The following IMPG1 variants were observed in gnomAD, a reference collection of about 807,000 sequenced individuals.
IMPG1 encodes interphotoreceptor matrix proteoglycan 1, also known as interphotoreceptor matrix proteoglycan of 150 kDa.
A neutral mutation model predicts 92.0 loss-of-function variants in IMPG1; 85 were observed. The observed-to-expected ratio is 0.92, with a 90% CI of 0.78 to 1.11. The LOEUF (loss-of-function observed/expected upper bound fraction) is 1.11. Ranked by LOEUF, IMPG1 falls within the 50% of genes least tolerant of loss-of-function variation. The pLI is 0.00. For synonymous variants in IMPG1, 367 were observed against 334.1 expected, an observed-to-expected ratio of 1.10 and a Z score of -1.08; for missense variants, 1,022 against 956.0, an observed-to-expected ratio of 1.07 and a Z score of -0.91.
intron 7 of IMPG1, 149 bp from the exon 8 acceptor site, chr6:76,011,373 T>G: frequency 1.9e-6 from 1 of 528,640 alleles, no homozygotes. Flanking sequence ...CTCTCCAAAT[T>G]GATCAGATGA....
intron 12 of IMPG1, among the ~76,000 whole-genome samples, chr6:75,956,822 AT>A (rs1353671529): frequency 2.0e-5 from 3 of 152,044 alleles, no homozygotes; most frequent in African/African-American, 7.2e-5. Context: ...CAAAGAACTT[AT>A]TTATTTCTGC....
At chr6:75,983,107 A>G (rs1210823758) in intron 12 of IMPG1, among the ~76,000 whole-genome samples, 1 of 151,904 alleles carries the variant, frequency 6.6e-6, no homozygotes, top group Non-Finnish European at 1.5e-5. Context: ...AACTATCTCA[A>G]ATGATTATGC....
Position 75,950,621 on chromosome 6 carries a change from C to A in IMPG1, c.1765G>T (p.Asp589Tyr). The A allele has an allele frequency of 1.9e-6, 3 of 1,613,642 alleles. No homozygotes were observed. The highest frequency in any genetic ancestry group is 1.1e-5 in the South Asian group (1 of 90,970). The change falls in exon 13 of 17, where the codon GAC becomes TAC. Residue 589 changes from aspartate (D) to tyrosine (Y), a missense_variant. Around this residue, in one of 3 missense-constraint regions of IMPG1, gnomAD observed 332 missense variants for 346.2 expected, o/e 0.96. Transcript: ENST00000369950. ...TCCAGAGAGCTCTTGTTGAACAGGTCGTTGGAGAAGGCCATGTTAGCAACA... is the reference window on the plus strand; with the variant it reads ...TCCAGAGAGCTCTTGTTGAACAGGTAGTTGGAGAAGGCCATGTTAGCAACA... ...LRVANMAFSN[D>Y]LFNKSSLEYR...
rs1273912320 is a variant in IMPG1 at position 76,041,944 on chromosome 6, C to A, written c.250G>T (p.Glu84Ter). Residue 84 changes from glutamate (E) to a stop codon, truncating the protein, a stop_gained, in exon 2 of 17, where the codon GAA (glutamate) becomes TAA (stop). Coordinates refer to ENST00000369950, the MANE Select transcript of IMPG1 (RefSeq NM_001563.4). LOFTEE classifies it high-confidence loss of function. ...FPTGVKVCPQ[E>*]SMKQILDSLQ... ...CTGTCTAAAATCTGTTTCATGGATT[C>A]CTGTGGACAGACTTTAACCCCCGTT... 1 of 1,613,952 alleles carries A rather than the reference C, an allele frequency of 6.2e-7. No homozygotes were observed. Among genetic ancestry groups the A allele is most frequent in the East Asian group, 2.2e-5 (1 of 44,820 alleles).
chr6:76,039,001 G>A lies in IMPG1; in HGVS notation c.301+2892C>T, dbSNP rs116982139. Among the ~76,000 whole-genome samples, 7 of 152,334 alleles carry A rather than the reference G, an allele frequency of 4.6e-5. No individual in the cohort carries two copies. In the East Asian group the frequency reaches 1.3e-3, roughly 29 times the overall value. ...AGGGTGAAATAACACACTGAAATGG[G>A]AATCAGGACACTGAGTTCTACCCCC... On this transcript the variant is annotated intron_variant, in intron 2 of 16. Coordinates refer to ENST00000369950, the MANE Select transcript of IMPG1 (RefSeq NM_001563.4).
At chr6:75,933,446 T>C (rs1781694375) in intron 14 of IMPG1, among the ~76,000 whole-genome samples, 1 of 152,218 alleles carries the variant, frequency 6.6e-6, no homozygotes, top group Non-Finnish European at 1.5e-5. Flanking sequence ...TCACTGGGCT[T>C]ACTATAATTG....
chr6:76,038,726 C>T (rs765135558), intron 2 of IMPG1, among the ~76,000 whole-genome samples: 5 of 152,216 alleles, frequency 3.3e-5, no homozygotes, highest in Non-Finnish European at 7.3e-5. Context: ...CTTGGCCTCA[C>T]TCCCACCCCA....
At chr6:75,959,643 C>T (rs1782182989) in intron 12 of IMPG1, among the ~76,000 whole-genome samples, 1 of 152,178 alleles carries the variant, frequency 6.6e-6, no homozygotes, top group Non-Finnish European at 1.5e-5. Flanking sequence ...CCAGTTTGAA[C>T]TTCTTGGTGG....
intron 1 of IMPG1, among the ~76,000 whole-genome samples, chr6:76,045,218 A>G (rs1164871633): frequency 6.6e-6 from 1 of 152,212 alleles, no homozygotes; most frequent in Non-Finnish European, 1.5e-5. Context: ...CAAATGTTCT[A>G]CAAATGGTTG....
intron 12 of IMPG1, among the ~76,000 whole-genome samples, chr6:75,995,958 C>T (rs1305735899): frequency 6.6e-6 from 1 of 152,168 alleles, no homozygotes. Flanking sequence ...ATCCCCTGTG[C>T]CTAATAAGCA....
intron 4 of IMPG1, among the ~76,000 whole-genome samples, 167 bp downstream of exon 4, chr6:76,034,125 TATTTATTTTTGTTTTATGTACTG>T (rs1783695399): frequency 6.6e-6 from 1 of 152,244 alleles, no homozygotes; most frequent in South Asian, 2.1e-4. Context: ...CTATAAGGTC[TATTTATTTTTGTTTTATGTACTG>T]ATTTATCTTC....
chr6:75,943,556 G>A (rs1272056051), intron 14 of IMPG1, among the ~76,000 whole-genome samples: 1 of 152,172 alleles, frequency 6.6e-6, no homozygotes, highest in African/African-American at 2.4e-5. Context: ...TGGTGCCTGC[G>A]GAAAGATGAG....
Position 75,965,144 on chromosome 6 carries a change from T to C in IMPG1, c.1292-14050A>G, listed in dbSNP as rs147087590. Among the ~76,000 whole-genome samples, 71 of 152,338 alleles carry C rather than the reference T, an allele frequency of 4.7e-4. 1 individual carries two copies. The highest frequency in any genetic ancestry group is 4.6e-3 in the East Asian group (24 of 5,192). ...GTTTCTAGTTTTGGGTTATTTAACA[T>C]AAAGCTGCTATAAATATGCATGCAC... On this transcript the variant is annotated intron_variant, in intron 12 of 16. Coordinates refer to ENST00000369950, the MANE Select transcript of IMPG1 (RefSeq NM_001563.4).
chr6:76,006,058 G>A (rs967445970), intron 9 of IMPG1, among the ~76,000 whole-genome samples: 2 of 151,992 alleles, frequency 1.3e-5, no homozygotes, highest in Non-Finnish European at 2.9e-5. Flanking sequence ...TCAAACTCAT[G>A]GCTCAAGCGA....
rs1029440187 is a variant in IMPG1, at chr6:75,950,885, C to T, written c.1501G>A (p.Ala501Thr). ...CTTGATCGGCTGTCATCTGAAGATG[C>T]AGGTGGATGTGAAATTCCCAGAGCC... ...QLALGISHPP[A>T]SSDDSRSSAG... Residue 501 changes from alanine (A) to threonine (T), a missense_variant, in exon 13 of 17, where the codon GCA becomes ACA. Physicochemically the swap from Ala to Thr is moderately conservative, Grantham distance 58. Transcript: ENST00000369950. 1.2e-6 allele frequency: 2 copies of T among 1,613,882 alleles called. No homozygotes were observed. The highest frequency in any genetic ancestry group is 2.7e-5 in the African/African-American group (2 of 75,034).
chr6:75,949,620 C>T (rs753936248), intron 13 of IMPG1, among the ~76,000 whole-genome samples: 6 of 152,118 alleles, frequency 3.9e-5, no homozygotes, highest in African/African-American at 1.2e-4. Flanking sequence ...TTCTTTCTTA[C>T]GTGAGATCCA....
At chr6:75,984,387 A>G (rs1782680734) in intron 12 of IMPG1, among the ~76,000 whole-genome samples, 1 of 152,234 alleles carries the variant, frequency 6.6e-6, no homozygotes, top group African/African-American at 2.4e-5. Context: ...CAGTCTTAAA[A>G]AAGAAGAAAA....
intron 1 of IMPG1, among the ~76,000 whole-genome samples, chr6:76,063,006 C>A (rs1438152596): frequency 6.6e-6 from 1 of 151,778 alleles, no homozygotes; most frequent in East Asian, 1.9e-4. Context: ...GAGTTCGAGA[C>A]CAGCCTGGCC....
intron 1 of IMPG1, among the ~76,000 whole-genome samples, chr6:76,051,222 G>A (rs755561910): frequency 2.6e-5 from 4 of 152,058 alleles, no homozygotes; most frequent in Non-Finnish European, 5.9e-5. Flanking sequence ...TTATGCCCTG[G>A]TCCTCCCACT....
Sources: gnomAD v4.1 joint callset for allele counts (sites outside exome capture counted in the v4.1 genomes callset) on GRCh38, gnomAD v4.1.1 for gene constraint, gnomAD v4.1.1 regional missense constraint, MANE v1.5 for transcripts, NCBI Gene and HGNC (gene_info 2026-07-23, HGNC 2026-07-21) for gene names.